The following PDE4B variants were observed in gnomAD, a reference collection of about 807,000 sequenced individuals.
The protein encoded by PDE4B is phosphodiesterase 4B.
In PDE4B, 20 loss-of-function variants were observed where a neutral mutation model predicts 82.2. That is an observed-to-expected ratio of 0.24 (90% CI 0.17 to 0.35). PDE4B has a LOEUF of 0.35. Among genes scored for constraint, PDE4B ranks in the 10% least tolerant of loss-of-function variants. PDE4B has a pLI of 1.00. For missense variants in PDE4B, 655 were observed against 907.2 expected (o/e 0.72, Z 3.57); for synonymous variants, 320 against 318.9 (o/e 1.00, Z -0.04).
At chr1:66,264,903 G>A (rs536608743) in intron 6 of PDE4B, among the ~76,000 whole-genome samples, 129 of 152,266 alleles carry the variant, frequency 8.5e-4, no homozygotes, top group Middle Eastern at 3.4e-3. Context: ...GCCTCATCTC[G>A]GATATACTGA....
intron 3 of PDE4B, among the ~76,000 whole-genome samples, chr1:66,013,275 G>C (rs1017958589): frequency 1.3e-5 from 2 of 152,004 alleles, no homozygotes; most frequent in African/African-American, 4.8e-5. Context: ...TTGAAAAAAA[G>C]GCAGAACCAA....
chr1:65,899,643 TAA>T (rs1646949417), intron 1 of PDE4B, among the ~76,000 whole-genome samples: 1 of 148,012 alleles, frequency 6.8e-6, no homozygotes. Context: ...TTTATATATA[TAA>T]TATATATTAT....
intron 3 of PDE4B, among the ~76,000 whole-genome samples, chr1:66,118,809 A>C (rs532419659): frequency 6.6e-6 from 1 of 152,178 alleles, no homozygotes; most frequent in South Asian, 2.1e-4. Flanking sequence ...CCTTGTTCCT[A>C]ACGTGCCCTA....
intron 3 of PDE4B, among the ~76,000 whole-genome samples, chr1:66,198,994 T>G (rs1428997600): frequency 2.0e-5 from 3 of 152,242 alleles, no homozygotes; most frequent in African/African-American, 7.2e-5. Flanking sequence ...CCACATTTTC[T>G]TAATCCAGTC....
At chr1:66,126,568 A>G (rs1645828452) in intron 3 of PDE4B, among the ~76,000 whole-genome samples, 1 of 152,298 alleles carries the variant, frequency 6.6e-6, no homozygotes, top group Non-Finnish European at 1.5e-5. Context: ...AAACCAAACC[A>G]ACAAACAGAA....
chr1:66,223,682 TC>T (rs892783705), intron 3 of PDE4B, among the ~76,000 whole-genome samples: 4 of 150,768 alleles, frequency 2.7e-5, no homozygotes, highest in Non-Finnish European at 5.9e-5. Flanking sequence ...CTTTTTTCAT[TC>T]CCCCCCAGCC....
At chr1:66,088,273 A>AT (rs1025239492) in intron 3 of PDE4B, among the ~76,000 whole-genome samples, 5 of 151,984 alleles carry the variant, frequency 3.3e-5, no homozygotes, top group Non-Finnish European at 2.9e-5. Flanking sequence ...CTATTTATTT[A>AT]TTTTTTAAGG....
chr1:66,087,766 G>A (rs1000647127), intron 3 of PDE4B, among the ~76,000 whole-genome samples: 27 of 150,100 alleles, frequency 1.8e-4, no homozygotes, highest in African/African-American at 6.1e-4. Context: ...ACTATCGCAG[G>A]AACAAAAAAC....
intron 3 of PDE4B, among the ~76,000 whole-genome samples, chr1:66,209,148 A>C (rs1649812847): frequency 6.6e-6 from 1 of 152,176 alleles, no homozygotes; most frequent in Non-Finnish European, 1.5e-5. Flanking sequence ...TGCAGTGACA[A>C]TTTCTTACCA....
At chr1:66,314,447 C>T (rs1658880146) in intron 7 of PDE4B, among the ~76,000 whole-genome samples, 1 of 152,176 alleles carries the variant, frequency 6.6e-6, no homozygotes, top group South Asian at 2.1e-4. Context: ...GAATCTCACT[C>T]TTTTGCCCAG....
At chr1:66,329,185 C>G (rs148791477) in intron 7 of PDE4B, among the ~76,000 whole-genome samples, 1 of 152,176 alleles carries the variant, frequency 6.6e-6, no homozygotes, top group East Asian at 1.9e-4. Context: ...CTCAAGGTAT[C>G]CCAGTGCCTG....
At chr1:65,910,050 G>A (rs754600694) in intron 1 of PDE4B, among the ~76,000 whole-genome samples, 13 of 152,208 alleles carry the variant, frequency 8.5e-5, no homozygotes, top group Non-Finnish European at 1.8e-4. Flanking sequence ...AACCAGTAGA[G>A]TGCATGCCTT....
At chr1:66,341,475 T>C (rs1202076379) in intron 8 of PDE4B, among the ~76,000 whole-genome samples, 1 of 152,248 alleles carries the variant, frequency 6.6e-6, no homozygotes, top group Non-Finnish European at 1.5e-5. Context: ...TAATTTAGTA[T>C]GCCTGAAAAT....
intron 7 of PDE4B, among the ~76,000 whole-genome samples, chr1:66,274,310 G>A (rs570767902): frequency 5.0e-4 from 75 of 150,626 alleles, no homozygotes; most frequent in Non-Finnish European, 7.1e-4. Flanking sequence ...ACAGGTATGC[G>A]TCACAACACC....
chr1:66,105,089 T>G (rs2101032840), intron 3 of PDE4B, among the ~76,000 whole-genome samples: 1 of 152,318 alleles, frequency 6.6e-6, no homozygotes, highest in East Asian at 1.9e-4. Context: ...CGTTTATGTC[T>G]TTAATCCATC....
intron 4 of PDE4B, among the ~76,000 whole-genome samples, chr1:66,252,543 G>A (rs1362166187): frequency 6.6e-6 from 1 of 152,192 alleles, no homozygotes; most frequent in Non-Finnish European, 1.5e-5. Context: ...TAAAGTGTTC[G>A]ATATCTCATG....
At chr1:65,992,234 G>GT in intron 3 of PDE4B, among the ~76,000 whole-genome samples, 1 of 152,306 alleles carries the variant, frequency 6.6e-6, no homozygotes, top group East Asian at 1.9e-4. Context: ...GATTTAATCA[G>GT]TTTTTACTGT....
chr1:66,283,849 G>A (rs1326703684), intron 7 of PDE4B, among the ~76,000 whole-genome samples: 1 of 152,054 alleles, frequency 6.6e-6, no homozygotes, highest in Non-Finnish European at 1.5e-5. Context: ...CTTTTAATGG[G>A]TTTTCTGTGT....
At chr1:66,317,764 G>A (rs528859986) in intron 7 of PDE4B, among the ~76,000 whole-genome samples, 23 of 152,198 alleles carry the variant, frequency 1.5e-4, no homozygotes, top group African/African-American at 4.3e-4. Context: ...CAGGCATGGC[G>A]GTAAGCACCT....
Sources: allele counts gnomAD v4.1 joint callset (sites outside exome capture counted in the v4.1 genomes callset), GRCh38; gene constraint gnomAD v4.1.1; transcripts MANE v1.5; gene names NCBI Gene and HGNC (gene_info 2026-07-23, HGNC 2026-07-21).